LRIF1: variants seen among roughly 807,000 people sequenced by gnomAD.
LRIF1 encodes ligand-dependent nuclear receptor-interacting factor 1.
A neutral mutation model predicts 52.7 loss-of-function variants in LRIF1; 32 were observed. The ratio of observed to expected loss-of-function variants is 0.61; its 90% confidence interval spans 0.46 to 0.82. The LOEUF is 0.82. Among genes scored for constraint, LRIF1 ranks in the 40% least tolerant of loss-of-function variants. The pLI, the probability that LRIF1 is intolerant of heterozygous loss-of-function variation, is 0.00. For missense variants in LRIF1, 887 were observed against 892.0 expected (o/e 0.99, Z 0.07); for synonymous variants, 323 against 317.4 (o/e 1.02, Z -0.19).
chr1:110,902,885 G>T, the LRIF1 span, among the ~76,000 whole-genome samples: 1 of 152,176 alleles, frequency 6.6e-6, no homozygotes, highest in Non-Finnish European at 1.5e-5. Context: ...ATGCTGGAGA[G>T]GTGAGTAAAA....
chr1:110,882,696 C>T, the LRIF1 span, among the ~76,000 whole-genome samples: 21 of 151,998 alleles, frequency 1.4e-4, no homozygotes, highest in South Asian at 2.5e-3. Context: ...GGTAGATGGA[C>T]GTGGTATATC....
At position 110,948,228 on chromosome 1, in the gene LRIF1, G is replaced by A; in HGVS notation, c.2041C>T (p.Leu681Phe). ...TGTCTGGTTTTGCTGTGACTCGTGA[G>A]AATGTTATGTTGTGACACATCTGAA... ...PTSDVSQHNI[L>F]TSHSKTRQEK... The change falls in exon 4 of 4, where the codon CTC becomes TTC. Residue 681 changes from leucine (L) to phenylalanine (F), a missense_variant. Transcript: ENST00000369763. The A allele has an allele frequency of 6.2e-7, 1 of 1,614,088 alleles. No homozygotes were observed. The highest frequency in any genetic ancestry group is 8.5e-7 in the Non-Finnish European group (1 of 1,180,010).
At chr1:110,962,097 A>ACACAC (rs1557844753) in intron 1 of LRIF1, among the ~76,000 whole-genome samples, 2 of 86,390 alleles carry the variant, frequency 2.3e-5, no homozygotes, top group African/African-American at 4.1e-5. Context: ...CACACACACA[A>ACACAC]AGTAAAGTTG....
At chr1:110,946,737 G>C (rs1658217529), downstream of LRIF1, among the ~76,000 whole-genome samples, 3 of 139,826 alleles carry the variant, frequency 2.1e-5, no homozygotes, top group Admixed American at 1.6e-4. Context: ...TTGGCTCACT[G>C]CAACTTCTGC....
the LRIF1 span, among the ~76,000 whole-genome samples, chr1:110,879,719 C>CT: frequency 2.0e-4 from 29 of 148,208 alleles, no homozygotes; most frequent in Middle Eastern, 3.4e-3. Flanking sequence ...GATAGAGGTT[C>CT]TTTTTTTTTT....
intron 1 of LRIF1, among the ~76,000 whole-genome samples, chr1:110,961,968 T>A (rs1453551027): frequency 6.6e-6 from 1 of 150,882 alleles, no homozygotes; most frequent in Non-Finnish European, 1.5e-5. Context: ...AATCAATGAG[T>A]TAATGAACTC....
the LRIF1 span, among the ~76,000 whole-genome samples, chr1:110,915,864 T>C: frequency 6.6e-6 from 1 of 152,214 alleles, no homozygotes; most frequent in African/African-American, 2.4e-5. Context: ...ACAAATTAAC[T>C]TTTAAAAAGC....
At position 110,947,241 on chromosome 1, in the gene LRIF1, CT is replaced by C. The variant is rs936064035; in HGVS notation, c.*717del. The C allele has an allele frequency of 6.6e-6, 1 of 151,312 alleles. No individual in the cohort carries two copies. The highest frequency in any genetic ancestry group is 2.4e-5 in the African/African-American group (1 of 41,210). 9.4% of individuals were successfully genotyped at this position (151,312 alleles called of 1,614,324 possible). On this transcript the variant is annotated 3_prime_UTR_variant, in exon 4 of 4. Transcript: ENST00000369763. The stretch of plus-strand genomic sequence containing the variant: ...AAATGTGATAACTGTTCAGGATCTA[CT>C]TTTTACACAATCTCAGTAACGTATG...
At chr1:110,891,294 C>T in the LRIF1 span, 1 of 862,364 alleles carries the variant, frequency 1.2e-6, no homozygotes. Context: ...ACAGCTCAAA[C>T]CCAAGGTAAT....
the LRIF1 span, among the ~76,000 whole-genome samples, chr1:110,887,403 C>T: frequency 2.0e-5 from 3 of 152,124 alleles, no homozygotes; most frequent in Non-Finnish European, 4.4e-5. Flanking sequence ...AATGGCTTTA[C>T]TAATCTAACA....
the LRIF1 span, among the ~76,000 whole-genome samples, chr1:110,898,308 C>T: frequency 8.2e-4 from 118 of 143,706 alleles, no homozygotes; most frequent in Non-Finnish European, 1.2e-3. Context: ...ACCTGGGAGG[C>T]GGAGCTTGTA....
At chr1:110,891,540 T>A in the LRIF1 span, 13 of 1,207,646 alleles carry the variant, frequency 1.1e-5, no homozygotes, top group Non-Finnish European at 1.5e-5. Context: ...ATTCCTCTAC[T>A]GAAGAGGCTG....
chr1:110,906,930 T>C, the LRIF1 span, among the ~76,000 whole-genome samples: 1 of 152,210 alleles, frequency 6.6e-6, no homozygotes, highest in Non-Finnish European at 1.5e-5. Flanking sequence ...ATACATATTT[T>C]AAGGTTATTA....
the LRIF1 span, among the ~76,000 whole-genome samples, chr1:110,880,951 A>G: frequency 6.6e-6 from 1 of 152,212 alleles, no homozygotes; most frequent in Non-Finnish European, 1.5e-5. Flanking sequence ...AACCAGAATA[A>G]GAGGCCAGAA....
chr1:110,919,580 A>G, the LRIF1 span, among the ~76,000 whole-genome samples: 1 of 152,196 alleles, frequency 6.6e-6, no homozygotes, highest in Non-Finnish European at 1.5e-5. Flanking sequence ...AACCCTAACT[A>G]ATACAACCTC....
At chr1:110,877,750 T>C in the LRIF1 span, among the ~76,000 whole-genome samples, 12 of 152,214 alleles carry the variant, frequency 7.9e-5, no homozygotes, top group Non-Finnish European at 1.3e-4. Flanking sequence ...AGATATTCCT[T>C]GATTAGTTGA....
chr1:110,952,072 T>A lies in LRIF1; in HGVS notation c.812A>T (p.Asn271Ile). Residue 271 changes from asparagine (N) to isoleucine (I), a missense_variant, in exon 2 of 4, where the codon AAT becomes ATT. Asn to Ile is a moderately radical substitution (Grantham distance 149). Coordinates refer to ENST00000369763, the MANE Select transcript of LRIF1 (RefSeq NM_018372.4). ...VILNTTQIPKNVATETQLKGG... is the reference protein window; with the variant it reads ...VILNTTQIPKIVATETQLKGG... ...TTTCAATTGTGTCTCTGTAGCAACA[T>A]TCTTTGGAATTTGTGTGGTATTTAG... The A allele has an allele frequency of 6.2e-7, 1 of 1,614,228 alleles. No individual in the cohort carries two copies. Among genetic ancestry groups the A allele is most frequent in the Non-Finnish European group, 8.5e-7 (1 of 1,180,030 alleles).
chr1:110,919,491 T>A, the LRIF1 span, among the ~76,000 whole-genome samples: 1 of 152,190 alleles, frequency 6.6e-6, no homozygotes, highest in Admixed American at 6.5e-5. Context: ...TTGTGGGAAC[T>A]TGTGATCGTG....
the LRIF1 span, among the ~76,000 whole-genome samples, chr1:110,917,246 A>G: frequency 6.6e-6 from 1 of 152,144 alleles, no homozygotes; most frequent in African/African-American, 2.4e-5. Flanking sequence ...ATAGATTCCA[A>G]CTTACATTAG....
Sources: gnomAD v4.1 joint callset for allele counts (sites outside exome capture counted in the v4.1 genomes callset) on GRCh38, gnomAD v4.1.1 for gene constraint, MANE v1.5 for transcripts, NCBI Gene and HGNC (gene_info 2026-07-23, HGNC 2026-07-21) for gene names.